The following FREM1 variants were observed in gnomAD, a reference collection of about 807,000 sequenced individuals.
The protein encoded by FREM1 is FRAS1 related extracellular matrix 1.
FREM1 carries 220 observed loss-of-function variants against 210.1 expected under a neutral mutation model. The ratio of observed to expected loss-of-function variants is 1.05; its 90% confidence interval spans 0.94 to 1.17. The LOEUF (loss-of-function observed/expected upper bound fraction) is 1.17. FREM1 is among the 50% of genes most tolerant of loss of function. The probability of loss-of-function intolerance (pLI) is 0.00; values close to 1 mark genes in which losing one functional copy is unlikely to be tolerated. For missense variants in FREM1, 3,454 were observed against 2,675.5 expected, an observed-to-expected ratio of 1.29 and a Z score of -6.42; for synonymous variants, 1,189 against 980.2, an observed-to-expected ratio of 1.21 and a Z score of -3.98.
rs1822046320 is a variant in FREM1, at chr9:14,824,868, A to G, written c.2006T>C (p.Ile669Thr). Reference sequence around the variant, plus strand: ...CTCCCTGTCATATGATTCTGAATCTATAAAATGTAGCTGTTTCTTAGTTAT... The same window carrying G: ...CTCCCTGTCATATGATTCTGAATCTGTAAAATGTAGCTGTTTCTTAGTTAT... ...AYITKKQLHF[I>T]DSESYDRELV... Residue 669 changes from isoleucine (I) to threonine (T), a missense_variant, in exon 11 of 37, where the codon ATA becomes ACA. By Grantham distance (89) the Ile-to-Thr change is moderately conservative (BLOSUM62 -1). Coordinates refer to ENST00000380880, the MANE Select transcript of FREM1 (RefSeq NM_001379081.2). 3.1e-6 allele frequency: 5 copies of G among 1,613,568 alleles called. No individual in the cohort carries two copies. Among genetic ancestry groups the G allele is most frequent in the Non-Finnish European group, 4.2e-6 (5 of 1,179,692 alleles).
At chr9:14,870,126 A>G (rs1832321840) in intron 1 of FREM1, among the ~76,000 whole-genome samples, 2 of 152,236 alleles carry the variant, frequency 1.3e-5, no homozygotes, top group South Asian at 4.1e-4. Context: ...GTTATGCCCA[A>G]AGAAAGGCCT....
chr9:14,858,363 T>G lies in FREM1; in HGVS notation c.632-614A>C, dbSNP rs564433606. On this transcript the variant is annotated intron_variant, in intron 4 of 36. Coordinates refer to ENST00000380880, the MANE Select transcript of FREM1 (RefSeq NM_001379081.2). ...AGTATATAATACTCATAAGCCACTTTCAAATTAAAAAAAAATTGTACAGAT... is the reference window on the plus strand; with the variant it reads ...AGTATATAATACTCATAAGCCACTTGCAAATTAAAAAAAAATTGTACAGAT... Among the ~76,000 whole-genome samples the G allele has an allele frequency of 1.1e-3, 160 of 152,294 alleles. 2 individuals carry two copies. The highest frequency in any genetic ancestry group is 3.7e-3 in the African/African-American group (152 of 41,562).
chr9:14,832,579 A>C (rs1823766189), intron 10 of FREM1, among the ~76,000 whole-genome samples: 1 of 152,342 alleles, frequency 6.6e-6, no homozygotes, highest in South Asian at 2.1e-4. Flanking sequence ...TTTGCAGTTT[A>C]AAATGGCTTC....
rs144704789 is a variant in FREM1, at chr9:14,799,873, T to C, written c.3694+1779A>G. On this transcript the variant is annotated intron_variant, in intron 20 of 36. Transcript: ENST00000380880. ...CAGGTTAGTTACATATGTATACATG[T>C]GCCATGCTGGTGTGCTGCACCCATT... 3.5e-3 allele frequency among the ~76,000 whole-genome samples: 533 copies of C among 152,014 alleles called. 7 individuals carry two copies. Among genetic ancestry groups the C allele is most frequent in the Admixed American group, 0.02 (302 of 15,272 alleles).
chr9:14,778,190 A>G (rs899046121), intron 24 of FREM1, among the ~76,000 whole-genome samples: 1 of 152,132 alleles, frequency 6.6e-6, no homozygotes, highest in African/African-American at 2.4e-5. Flanking sequence ...AAATCACATA[A>G]TTTTCTCAAA....
Position 14,866,527 on chromosome 9 carries a change from C to T in FREM1, c.234+2217G>A, listed in dbSNP as rs546878335. ...CTCCAAATTGCCTACTAAGGAGAAT[C>T]TGGTCATCTGCAGGGCTTTTGTTTT... On this transcript the variant is annotated intron_variant, in intron 2 of 36. Coordinates refer to ENST00000380880, the MANE Select transcript of FREM1 (RefSeq NM_001379081.2). 1.6e-3 allele frequency among the ~76,000 whole-genome samples: 244 copies of T among 152,276 alleles called. 1 individual carries two copies. Among genetic ancestry groups the T allele is most frequent in the Admixed American group, 3.9e-3 (60 of 15,288 alleles).
chr9:14,880,370 G>A (rs763369491), intron 1 of FREM1, among the ~76,000 whole-genome samples: 12 of 152,234 alleles, frequency 7.9e-5, no homozygotes, highest in African/African-American at 1.7e-4. Flanking sequence ...TTGGGAAGCC[G>A]AGGCGGGTGG....
chr9:14,822,465 T>A (rs1468480820), intron 13 of FREM1, among the ~76,000 whole-genome samples: 1 of 152,010 alleles, frequency 6.6e-6, no homozygotes, highest in Non-Finnish European at 1.5e-5. Flanking sequence ...TCTGGTCCCT[T>A]CTGGTTGATA....
At chr9:14,879,174 G>A (rs199686188) in intron 1 of FREM1, among the ~76,000 whole-genome samples, 38 of 127,160 alleles carry the variant, frequency 3.0e-4, no homozygotes, top group East Asian at 1.6e-3. Flanking sequence ...AAAAAAAAAA[G>A]AACTGGCATC....
chr9:14,879,171 A>AAAG (rs1371168723), intron 1 of FREM1, among the ~76,000 whole-genome samples: 1 of 151,934 alleles, frequency 6.6e-6, no homozygotes, highest in African/African-American at 2.4e-5. Flanking sequence ...AAAAAAAAAA[A>AAAG]AAGAACTGGC....
chr9:14,817,427 C>A (rs1357318679), intron 14 of FREM1, among the ~76,000 whole-genome samples: 2 of 152,198 alleles, frequency 1.3e-5, no homozygotes, highest in African/African-American at 4.8e-5. Context: ...TATATAAATT[C>A]TTAAATCTCT....
chr9:14,885,074 G>A (rs143277273), intron 1 of FREM1, among the ~76,000 whole-genome samples: 9,230 of 119,666 alleles, frequency 0.077, 1,800 homozygotes, highest in African/African-American at 0.28. Context: ...ACAGCTGCCC[G>A]CCACCGCGCC....
At chr9:14,873,828 C>A (rs1485931959) in intron 1 of FREM1, among the ~76,000 whole-genome samples, 4 of 152,054 alleles carry the variant, frequency 2.6e-5, no homozygotes, top group African/African-American at 7.2e-5. Context: ...TCCCTGTACA[C>A]ACTGTTTTGA....
intron 1 of FREM1, among the ~76,000 whole-genome samples, chr9:14,908,324 A>C (rs569038994): frequency 5.9e-5 from 9 of 152,298 alleles, no homozygotes; most frequent in African/African-American, 2.2e-4. Flanking sequence ...GTTTACCCAA[A>C]CTCAGCCTCG....
chr9:14,748,584 C>T lies in FREM1; in HGVS notation c.5613G>A (p.Lys1871=). The stretch of plus-strand genomic sequence containing the variant: ...CTGGGGGCAGCAGATGCCAAATGCC[C>T]TTCTCCCATGTGCTGTGCTTGCTTT... ...SNQSKHSTWE[K]GIWHLLPPGS... is the part of the protein sequence containing the mutation. The change falls in exon 31 of 37, where the codon AAG becomes AAA. Residue 1871 remains lysine, a synonymous_variant. Transcript: ENST00000380880. 1 of 1,613,900 alleles carries T rather than the reference C, an allele frequency of 6.2e-7. No individual in the cohort carries two copies. Among genetic ancestry groups the T allele is most frequent in the African/African-American group, 1.3e-5 (1 of 75,048 alleles).
At chr9:14,784,316 T>C in intron 24 of FREM1, 54 bp downstream of exon 24, 1 of 1,544,150 alleles carries the variant, frequency 6.5e-7, no homozygotes, top group Non-Finnish European at 8.8e-7. Context: ...CAGATCTCCT[T>C]TTCTGTAAGT....
chr9:14,788,938 G>A lies in FREM1; in HGVS notation c.4158C>T (p.Thr1386=). Residue 1386 remains threonine, a synonymous_variant, in exon 23 of 37, where the codon ACC becomes ACT. Transcript: ENST00000380880. ...NRSPALDCQI[T]IKDMEKGDIV... is the part of the protein sequence containing the mutation. ...TTTTACCTTTTTCCATGTCCTTGAT[G>A]GTGATTTGACAGTCAAGAGCAGGGG... The A allele has an allele frequency of 6.2e-7, 1 of 1,612,362 alleles. No individual in the cohort carries two copies. Among genetic ancestry groups the A allele is most frequent in the Non-Finnish European group, 8.5e-7 (1 of 1,179,216 alleles).
chr9:14,824,790 A>C lies in FREM1; in HGVS notation c.2078+6T>G. 2.5e-6 allele frequency: 4 copies of C among 1,604,120 alleles called. No individual in the cohort carries two copies. The highest frequency in any genetic ancestry group is 3.4e-6 in the Non-Finnish European group (4 of 1,173,738). On this transcript the variant is annotated splice_donor_region_variant and intron_variant, in intron 11 of 36. Coordinates refer to ENST00000380880, the MANE Select transcript of FREM1 (RefSeq NM_001379081.2). ...CTAGTAGCCCAAATGGTGACTTTTC[A>C]GATACCTGTGGCTGAAGGAGAAAAA...
rs747325886 is a variant in FREM1 at position 14,770,657 on chromosome 9, G to C, written c.5007C>G (p.Ile1669Met). ...SDPDTEDDQI[I>M]FKILQGPKHG... is the part of the protein sequence containing the mutation. Reference sequence around the variant, plus strand: ...GTTTTGGGCCTTGTAGAATTTTAAAGATGATCTGATCGTCCTCAGTGTCAG... The same window carrying C: ...GTTTTGGGCCTTGTAGAATTTTAAACATGATCTGATCGTCCTCAGTGTCAG... Residue 1669 changes from isoleucine to methionine, a missense_variant, in exon 26 of 37, where the codon ATC (isoleucine) becomes ATG (methionine). By Grantham distance (10) the Ile-to-Met change is conservative. Coordinates refer to ENST00000380880, the MANE Select transcript of FREM1 (RefSeq NM_001379081.2). 49 of 1,613,446 alleles carry C rather than the reference G, an allele frequency of 3.0e-5. No homozygotes were observed. Among genetic ancestry groups the C allele is most frequent in the South Asian group, 2.4e-4 (22 of 91,066 alleles).
Sources: gnomAD v4.1 joint callset for allele counts (sites outside exome capture counted in the v4.1 genomes callset) on GRCh38, gnomAD v4.1.1 for gene constraint, MANE v1.5 for transcripts, NCBI Gene and HGNC (gene_info 2026-07-23, HGNC 2026-07-21) for gene names.